Variants in SMURF2 observed in about 807,000 individuals in gnomAD.
SMURF2 encodes the protein E3 ubiquitin-protein ligase SMURF2.
In SMURF2, 48 loss-of-function variants were observed where a neutral mutation model predicts 109.6. The observed-to-expected ratio is 0.44, with a 90% CI of 0.35 to 0.56. The LOEUF is 0.56. SMURF2 is among the 20% of genes least tolerant of loss of function. The pLI is 0.01. For missense variants in SMURF2, 575 were observed against 909.0 expected (o/e 0.63, Z 4.72); for synonymous variants, 288 against 317.1 (o/e 0.91, Z 0.97).
intron 1 of SMURF2, among the ~76,000 whole-genome samples, chr17:64,635,624 G>A (rs1269535046): frequency 6.6e-6 from 1 of 152,084 alleles, no homozygotes; most frequent in Non-Finnish European, 1.5e-5. Flanking sequence ...AATTTTTTGA[G>A]CTCATCCATA....
At chr17:64,629,960 G>A (rs528139493) in intron 1 of SMURF2, among the ~76,000 whole-genome samples, 23 of 152,162 alleles carry the variant, frequency 1.5e-4, no homozygotes, top group Admixed American at 1.2e-3. Context: ...AAAGGAGGCC[G>A]GGCACAGTGG....
intron 9 of SMURF2, among the ~76,000 whole-genome samples, chr17:64,576,198 C>T (rs1213748385): frequency 5.3e-5 from 8 of 151,644 alleles, no homozygotes; most frequent in African/African-American, 1.7e-4. Flanking sequence ...GAGCTAGATC[C>T]TGTCTCAAAA....
In SMURF2 at chr17:64,607,878, C is replaced by T. The variant is rs532276427; in HGVS notation, c.53-1238G>A. Among the ~76,000 whole-genome samples the T allele has an allele frequency of 4.6e-3, 694 of 150,178 alleles. 6 individuals are homozygous for T. The highest frequency in any genetic ancestry group is 0.017 in the African/African-American group (678 of 40,356). On this transcript the variant is annotated intron_variant, in intron 1 of 18. Transcript: ENST00000262435. ...CCCAGCTACTCAGGAGGCTGAGGTG[C>T]GAGAATCACTTGAACCTGGGAGGTG...
chr17:64,640,917 C>CAA (rs1189014538), intron 1 of SMURF2, among the ~76,000 whole-genome samples: 1 of 86,054 alleles, frequency 1.2e-5, no homozygotes, highest in Non-Finnish European at 2.4e-5. Flanking sequence ...GACTCCATCT[C>CAA]AAAAAAAAAA....
Position 64,547,874 on chromosome 17 carries a change from T to C in SMURF2, c.1870-73A>G. The C allele has an allele frequency of 7.5e-7, 1 of 1,339,720 alleles. No individual in the cohort carries two copies. Among genetic ancestry groups the C allele is most frequent in the Non-Finnish European group, 1.1e-6 (1 of 935,932 alleles). The allele number at this position is 1,339,720 out of a possible 1,614,324, so 83.0% of individuals were successfully genotyped here. On this transcript the variant is annotated intron_variant, in intron 16 of 18. Coordinates refer to ENST00000262435, the MANE Select transcript of SMURF2 (RefSeq NM_022739.4). This position sits in a 1 kb window ranked among gnomAD's most constrained non-coding sequence, Gnocchi z 4.2. ...CCAAAAATTCCTCAAAAGAGAACTT[T>C]AGGTTTGTACTGCTGGCTGTCATTT...
chr17:64,576,772 A>T (rs1568180761), intron 9 of SMURF2, among the ~76,000 whole-genome samples: 5 of 149,822 alleles, frequency 3.3e-5, no homozygotes. Flanking sequence ...TTTTTCAAAG[A>T]TTTTTTTTTA....
chr17:64,562,237 G>C (rs1555684563), intron 11 of SMURF2, among the ~76,000 whole-genome samples: 2 of 123,738 alleles, frequency 1.6e-5, no homozygotes, highest in Non-Finnish European at 1.6e-5. Context: ...AGGTTGCAGT[G>C]AGCTGAGATT....
Position 64,547,850 on chromosome 17 carries a change from C to A in SMURF2, c.1870-49G>T. 6.5e-7 allele frequency: 1 copy of A among 1,549,848 alleles called. No individual in the cohort carries two copies. The highest frequency in any genetic ancestry group is 1.1e-5 in the South Asian group (1 of 89,174). ...GAACCTGTGGAAACCACAGCCAGAC[C>A]AAAAATTCCTCAAAAGAGAACTTTA... On this transcript the variant is annotated intron_variant, in intron 16 of 18. Coordinates refer to ENST00000262435, the MANE Select transcript of SMURF2 (RefSeq NM_022739.4). This position sits in a 1 kb window ranked among gnomAD's most constrained non-coding sequence, Gnocchi z 4.2.
At chr17:64,618,268 AAAAT>A (rs1254046276) in intron 1 of SMURF2, among the ~76,000 whole-genome samples, 4 of 152,282 alleles carry the variant, frequency 2.6e-5, no homozygotes, top group East Asian at 3.9e-4. Context: ...CTCCGCCTCT[AAAAT>A]AAATAAATAA....
At chr17:64,578,875 T>A (rs1969537458) in intron 8 of SMURF2, among the ~76,000 whole-genome samples, 1 of 152,164 alleles carries the variant, frequency 6.6e-6, no homozygotes, top group South Asian at 2.1e-4. Context: ...AACTAAAAAA[T>A]TTTAAATGAT....
chr17:64,547,326 T>TA lies in SMURF2; in HGVS notation c.2071+273dup, dbSNP rs1968972299. Among the ~76,000 whole-genome samples the TA allele has an allele frequency of 1.3e-5, 2 of 151,968 alleles. No individual in the cohort carries two copies. Among genetic ancestry groups the TA allele is most frequent in the African/African-American group, 4.8e-5 (2 of 41,352 alleles). ...TCCCTACAGGAATGTGCAACAGAAT[T>TA]AAAAGTAAGGTGACCAGAAAACAAA... On this transcript the variant is annotated intron_variant, in intron 17 of 18. Coordinates refer to ENST00000262435, the MANE Select transcript of SMURF2 (RefSeq NM_022739.4). This position sits in a 1 kb window ranked among gnomAD's most constrained non-coding sequence, Gnocchi z 4.2.
rs532639597 is a variant in SMURF2 at position 64,640,204 on chromosome 17, G to A, written c.52+21625C>T. 1.0e-3 allele frequency among the ~76,000 whole-genome samples: 153 copies of A among 152,254 alleles called. 2 individuals carry two copies. The highest frequency in any genetic ancestry group is 5.2e-3 in the South Asian group (25 of 4,830). ...AAATAAATGAATATTAAAAGAAATT[G>A]TGTTCAGTTCTCAGAAGTTAACAGG... On this transcript the variant is annotated intron_variant, in intron 1 of 18. Transcript: ENST00000262435.
At position 64,645,347 on chromosome 17, in the gene SMURF2, T is replaced by C. The variant is rs567993373; in HGVS notation, c.52+16482A>G. Among the ~76,000 whole-genome samples the C allele has an allele frequency of 9.9e-5, 15 of 152,274 alleles. No individual in the cohort carries two copies. In the East Asian group the frequency reaches 2.5e-3, roughly 25 times the overall value. ...TAAGAGACATACCAACCCAATACAA[T>C]GTGTAGACCTCTTCCGGATTCTGAT... On this transcript the variant is annotated intron_variant, in intron 1 of 18. Transcript: ENST00000262435.
chr17:64,551,395 C>T (rs1323276062), intron 16 of SMURF2, among the ~76,000 whole-genome samples, 189 bp downstream of exon 16: 5 of 151,964 alleles, frequency 3.3e-5, no homozygotes, highest in Non-Finnish European at 7.4e-5. Flanking sequence ...ATTGTTCACT[C>T]ACAGAAATTC....
At chr17:64,619,528 C>T (rs888132018) in intron 1 of SMURF2, among the ~76,000 whole-genome samples, 6 of 145,354 alleles carry the variant, frequency 4.1e-5, no homozygotes, top group Non-Finnish European at 9.0e-5. Flanking sequence ...TTTGGCAAGA[C>T]GTTTGCCTTA....
chr17:64,569,534 G>A (rs1555685395), intron 10 of SMURF2, among the ~76,000 whole-genome samples: 1 of 152,162 alleles, frequency 6.6e-6, no homozygotes, highest in African/African-American at 2.4e-5. Context: ...GCAAAAAATT[G>A]TGAACAGGAC....
intron 1 of SMURF2, among the ~76,000 whole-genome samples, chr17:64,657,718 CAA>C (rs574702500): frequency 1.6e-5 from 2 of 123,516 alleles, no homozygotes; most frequent in Non-Finnish European, 1.7e-5. Context: ...GATTCTGCCT[CAA>C]AAAAAAAAAA....
At chr17:64,601,604 T>C (rs1969897165) in intron 2 of SMURF2, among the ~76,000 whole-genome samples, 1 of 152,162 alleles carries the variant, frequency 6.6e-6, no homozygotes, top group South Asian at 2.1e-4. Context: ...CTGGTAGTAA[T>C]GTAAACTAGT....
At position 64,612,594 on chromosome 17, in the gene SMURF2, AGCCTG is replaced by A. The variant is rs1598295885; in HGVS notation, c.53-5959_53-5955del. 5.3e-5 allele frequency among the ~76,000 whole-genome samples: 8 copies of A among 152,222 alleles called. 1 individual carries two copies. The East Asian group carries it at 1.5e-3, about 29-fold the overall frequency. On this transcript the variant is annotated intron_variant, in intron 1 of 18. Coordinates refer to ENST00000262435, the MANE Select transcript of SMURF2 (RefSeq NM_022739.4). ...GAGGCTGAGGCATGAGAATCACTTG[AGCCTG>A]GAAGGCAGAGGTTGCAGTTAGCTGA...
Sources: gnomAD v4.1 joint callset for allele counts (sites outside exome capture counted in the v4.1 genomes callset) on GRCh38, gnomAD v4.1.1 for gene constraint, Gnocchi (gnomAD v3.1) non-coding constraint, MANE v1.5 for transcripts, NCBI Gene and HGNC (gene_info 2026-07-23, HGNC 2026-07-21) for gene names.